Variants in C12orf42 observed in about 807,000 individuals in gnomAD.
C12orf42 encodes uncharacterized protein C12orf42.
Under a neutral mutation model 21.6 loss-of-function variants are expected in C12orf42, and 25 were observed. The observed-to-expected ratio is 1.16, with a 90% confidence interval of 0.84 to 1.62. C12orf42 has a LOEUF of 1.62. Among genes scored for constraint, C12orf42 ranks in the 40% most tolerant of loss-of-function variants. C12orf42 has a pLI of 0.00. For synonymous variants in C12orf42, 174 were observed against 175.0 expected (o/e 0.99, Z 0.05); for missense variants, 483 against 459.3 (o/e 1.05, Z -0.47).
At chr12:103,084,709 T>G in the C12orf42 span, among the ~76,000 whole-genome samples, 1 of 152,220 alleles carries the variant, frequency 6.6e-6, no homozygotes, top group African/African-American at 2.4e-5. Flanking sequence ...AGCACTAGCT[T>G]GTTTCTTTTG....
chr12:103,289,044 A>G (rs2036637794), intron 4 of C12orf42, among the ~76,000 whole-genome samples: 1 of 152,224 alleles, frequency 6.6e-6, no homozygotes, highest in Non-Finnish European at 1.5e-5. Context: ...ATAGAAATAC[A>G]TAAAAGATCA....
chr12:103,503,089 A>G, the C12orf42 span, among the ~76,000 whole-genome samples: 1 of 152,242 alleles, frequency 6.6e-6, no homozygotes, highest in Non-Finnish European at 1.5e-5. Flanking sequence ...AACAGTTATG[A>G]TCATACAAGT....
At chr12:103,417,632 A>T (rs2049476857) in intron 2 of C12orf42, among the ~76,000 whole-genome samples, 2 of 152,194 alleles carry the variant, frequency 1.3e-5, no homozygotes, top group South Asian at 4.1e-4. Flanking sequence ...ATTACCTAAG[A>T]GACTGCTATT....
the C12orf42 span, among the ~76,000 whole-genome samples, chr12:103,100,531 T>G: frequency 1.3e-5 from 2 of 152,218 alleles, no homozygotes; most frequent in African/African-American, 4.8e-5. Context: ...TGAATGCCCA[T>G]TAAACTGGGC....
At chr12:103,499,858 G>A (rs556238371), upstream of C12orf42, among the ~76,000 whole-genome samples, 2 of 152,266 alleles carry the variant, frequency 1.3e-5, no homozygotes, top group African/African-American at 2.4e-5. Context: ...TAGAAGGAAA[G>A]GAGAAGTCAG....
In C12orf42 at chr12:103,305,856, G is replaced by A. The variant is rs944297973; in HGVS notation, c.631+118C>T. The A allele has an allele frequency of 4.7e-6, 6 of 1,266,310 alleles. No homozygotes were observed. In the South Asian group the frequency reaches 7.7e-5, roughly 16 times the overall value. The allele number at this position is 1,266,310 out of a possible 1,614,324, so 78.4% of individuals were successfully genotyped here. A position where few individuals can be genotyped will look rare whatever the true frequency, so the allele number is the denominator to read the frequency against. ...AAGACTGGCTACTACAGTTCTTACA[G>A]TACCTTCTAGAATAGGACTGGCCAT... On this transcript the variant is annotated intron_variant, in intron 5 of 5. Transcript: ENST00000548883.
chr12:103,521,913 A>G, the C12orf42 span, among the ~76,000 whole-genome samples: 1 of 152,224 alleles, frequency 6.6e-6, no homozygotes, highest in East Asian at 1.9e-4. Context: ...TTAAGTCGAT[A>G]TATTAACAGC....
intron 2 of C12orf42, among the ~76,000 whole-genome samples, chr12:103,475,167 C>T (rs1473799587): frequency 6.6e-6 from 1 of 152,152 alleles, no homozygotes; most frequent in African/African-American, 2.4e-5. Flanking sequence ...AAACAAATGC[C>T]CATGACCCAG....
At chr12:103,290,975 C>A in intron 4 of C12orf42, among the ~76,000 whole-genome samples, 1 of 152,010 alleles carries the variant, frequency 6.6e-6, no homozygotes, top group East Asian at 1.9e-4. Context: ...ATCTTCACCA[C>A]TATGCTATAC....
Position 103,302,573 on chromosome 12 carries a change from C to T in C12orf42, c.632-14G>A, listed in dbSNP as rs1165475453. The T allele has an allele frequency of 6.3e-7, 1 of 1,592,528 alleles. No homozygotes were observed. The highest frequency in any genetic ancestry group is 8.5e-7 in the Non-Finnish European group (1 of 1,172,142). On this transcript the variant is annotated splice_polypyrimidine_tract_variant and intron_variant, in intron 5 of 5. Coordinates refer to ENST00000548883, the MANE Select transcript of C12orf42 (RefSeq NM_198521.5). ...TGGCGGCAGAACCTGGAAGGCAAAGCAGGAAAGCAGGACAGAGATGAGGCT... is the reference window on the plus strand; with the variant it reads ...TGGCGGCAGAACCTGGAAGGCAAAGTAGGAAAGCAGGACAGAGATGAGGCT...
chr12:103,284,775 A>G (rs900540585), intron 4 of C12orf42, among the ~76,000 whole-genome samples: 10 of 152,212 alleles, frequency 6.6e-5, no homozygotes, highest in Admixed American at 3.9e-4. Context: ...CAGAGCCACA[A>G]TTGACTTTCG....
chr12:103,525,214 G>T, the C12orf42 span, among the ~76,000 whole-genome samples: 1 of 151,946 alleles, frequency 6.6e-6, no homozygotes, highest in Non-Finnish European at 1.5e-5. Context: ...GAGATTGGGC[G>T]GGGGGAAGTC....
the C12orf42 span, among the ~76,000 whole-genome samples, chr12:103,506,851 T>TTA: frequency 2.9e-5 from 2 of 68,452 alleles, no homozygotes; most frequent in African/African-American, 1.3e-4. Context: ...ATATATATAT[T>TTA]TATATATTAT....
chr12:103,147,422 A>G, the C12orf42 span, among the ~76,000 whole-genome samples: 9 of 151,962 alleles, frequency 5.9e-5, 1 homozygote, highest in Non-Finnish European at 1.3e-4. Context: ...TTTGCAGTGA[A>G]TGAAGCATTT....
chr12:103,484,505 G>C (rs921679380), intron 1 of C12orf42, among the ~76,000 whole-genome samples: 2 of 152,028 alleles, frequency 1.3e-5, no homozygotes, highest in Non-Finnish European at 2.9e-5. Flanking sequence ...TTTTCAATGG[G>C]GTTGTTTTTT....
At chr12:103,357,068 G>A (rs1247313124) in intron 4 of C12orf42, among the ~76,000 whole-genome samples, 1 of 146,992 alleles carries the variant, frequency 6.8e-6, no homozygotes, top group African/African-American at 2.5e-5. Context: ...AACACCGCAT[G>A]TTCTCACTCA....
chr12:103,165,463 AG>A, the C12orf42 span, among the ~76,000 whole-genome samples: 1 of 152,186 alleles, frequency 6.6e-6, no homozygotes, highest in African/African-American at 2.4e-5. Flanking sequence ...CTGTGAAGTG[AG>A]GGAGAGGATT....
At chr12:103,360,967 A>G (rs551430140) in intron 4 of C12orf42, among the ~76,000 whole-genome samples, 2 of 152,258 alleles carry the variant, frequency 1.3e-5, no homozygotes, top group East Asian at 3.9e-4. Flanking sequence ...GCACCATTTG[A>G]GTTTCCAACT....
At chr12:103,064,239 A>G in the C12orf42 span, among the ~76,000 whole-genome samples, 1 of 152,204 alleles carries the variant, frequency 6.6e-6, no homozygotes, top group African/African-American at 2.4e-5. Context: ...TCTGTATGTC[A>G]GTTCTAAAGG....
Sources: allele counts gnomAD v4.1 joint callset (sites outside exome capture counted in the v4.1 genomes callset), GRCh38; gene constraint gnomAD v4.1.1; transcripts MANE v1.5; gene names NCBI Gene and HGNC (gene_info 2026-07-23, HGNC 2026-07-21).